Variants in MCCC2 observed in about 807,000 individuals in gnomAD.
MCCC2 encodes methylcrotonoyl-CoA carboxylase beta chain, mitochondrial.
MCCC2 carries 52 observed loss-of-function variants against 77.2 expected under a neutral mutation model. That is an observed-to-expected ratio of 0.67 (90% CI 0.54 to 0.85). The LOEUF is 0.85. Among genes scored for constraint, MCCC2 ranks in the 40% least tolerant of loss-of-function variants. MCCC2 has a pLI of 0.00. For missense variants in MCCC2, 682 were observed against 703.2 expected (o/e 0.97, Z 0.34); for synonymous variants, 253 against 248.4 (o/e 1.02, Z -0.18).
chr5:71,645,036 A>G (rs1747240959), intron 12 of MCCC2, among the ~76,000 whole-genome samples: 1 of 152,160 alleles, frequency 6.6e-6, no homozygotes, highest in South Asian at 2.1e-4. Context: ...TAGTATATAG[A>G]CAGTATTTCT....
intron 6 of MCCC2, among the ~76,000 whole-genome samples, chr5:71,614,582 C>G (rs1405051826): frequency 6.6e-6 from 1 of 151,564 alleles, no homozygotes; most frequent in East Asian, 2.0e-4. Flanking sequence ...CTTCCAGGCT[C>G]AAGGGATTCT....
chr5:71,633,913 A>G (rs955720237), intron 8 of MCCC2, among the ~76,000 whole-genome samples: 2 of 152,184 alleles, frequency 1.3e-5, no homozygotes, highest in Non-Finnish European at 2.9e-5. Context: ...AAGAAACTGA[A>G]AAAGATCTAC....
chr5:71,643,658 C>T, intron 11 of MCCC2, 161 bp from the exon 12 acceptor site: 2 of 1,406,696 alleles, frequency 1.4e-6, no homozygotes, highest in East Asian at 2.4e-5. Context: ...ACCTTAGGAA[C>T]AAGAAGATTG....
At position 71,656,912 on chromosome 5, in the gene MCCC2, A is replaced by G; in HGVS notation, c.*52A>G. 1 of 1,386,244 alleles carries G rather than the reference A, an allele frequency of 7.2e-7. No homozygotes were observed. The highest frequency in any genetic ancestry group is 1.4e-5 in the African/African-American group (1 of 70,592). 85.9% of individuals were successfully genotyped at this position (1,386,244 alleles called of 1,614,324 possible). A position where few individuals can be genotyped will look rare whatever the true frequency, so the allele number is the denominator to read the frequency against. On this transcript the variant is annotated 3_prime_UTR_variant, in exon 17 of 17. Coordinates refer to ENST00000340941, the MANE Select transcript of MCCC2 (RefSeq NM_022132.5). ...ACATGTACTGAAAATTAACACATGT[A>G]GTAGCCTTAAAATTTTAGACTTCTC...
intron 6 of MCCC2, among the ~76,000 whole-genome samples, chr5:71,623,863 C>T (rs1211808579): frequency 6.6e-6 from 1 of 152,118 alleles, no homozygotes; most frequent in Non-Finnish European, 1.5e-5. Context: ...GGTAAAATTC[C>T]CGGAAGTAGA....
At chr5:71,619,186 G>A (rs1189330831) in intron 6 of MCCC2, among the ~76,000 whole-genome samples, 2 of 151,956 alleles carry the variant, frequency 1.3e-5, no homozygotes, top group African/African-American at 4.8e-5. Flanking sequence ...TATCTTGTTG[G>A]TTTTCACTGT....
At chr5:71,595,825 G>A (rs544258697) in intron 2 of MCCC2, among the ~76,000 whole-genome samples, 38 of 152,232 alleles carry the variant, frequency 2.5e-4, no homozygotes, top group African/African-American at 8.2e-4. Flanking sequence ...AAAAAGTTAC[G>A]GATCACTAAT....
In MCCC2 at chr5:71,646,654, C is replaced by T. The variant is rs942505414; in HGVS notation, c.1216+377C>T. ...GTGCTGATACTACAGACATGAGCCA[C>T]GAGCCACCACACCTTGCTGATTATC... is the stretch of plus-strand genomic sequence containing the variant. On this transcript the variant is annotated intron_variant, in intron 13 of 16. Coordinates refer to ENST00000340941, the MANE Select transcript of MCCC2 (RefSeq NM_022132.5). Among the ~76,000 whole-genome samples the T allele has an allele frequency of 4.6e-5, 7 of 152,274 alleles. 1 individual carries two copies. The highest frequency in any genetic ancestry group is 2.6e-4 in the Admixed American group (4 of 15,288).
In MCCC2 at chr5:71,649,080, T is replaced by C. The variant is rs748230700; in HGVS notation, c.1217-17T>C. On this transcript the variant is annotated splice_polypyrimidine_tract_variant and intron_variant, in intron 13 of 16. Transcript: ENST00000340941. ...AATCCCATCACCCAGAGGCTCTCTT[T>C]CTGATCTTTCTCTCAGGATTTATGG... 4 of 1,614,160 alleles carry C rather than the reference T, an allele frequency of 2.5e-6. No individual in the cohort carries two copies. Among genetic ancestry groups the C allele is most frequent in the Admixed American group, 1.7e-5 (1 of 60,030 alleles).
At chr5:71,622,508 A>G (rs898134948) in intron 6 of MCCC2, among the ~76,000 whole-genome samples, 1 of 152,292 alleles carries the variant, frequency 6.6e-6, no homozygotes, top group East Asian at 1.9e-4. Flanking sequence ...CTTTTAGGAT[A>G]TTCACAGAGT....
chr5:71,627,336 T>C (rs277998), intron 7 of MCCC2, among the ~76,000 whole-genome samples: 51,960 of 152,188 alleles, frequency 0.34, 9,994 homozygotes, highest in East Asian at 0.54. Context: ...TTCCTGCTTT[T>C]ATTTTTTTGG....
chr5:71,589,585 T>C (rs459787), intron 1 of MCCC2, among the ~76,000 whole-genome samples: 64,663 of 152,126 alleles, frequency 0.43, 14,060 homozygotes, highest in South Asian at 0.47. Flanking sequence ...AATTAATGTG[T>C]GCTCACATTA....
chr5:71,597,873 G>A (rs1484916362), intron 3 of MCCC2, among the ~76,000 whole-genome samples: 1 of 152,172 alleles, frequency 6.6e-6, no homozygotes, highest in African/African-American at 2.4e-5. Context: ...GTAAGTAAGT[G>A]AGAGGCGGAC....
intron 3 of MCCC2, among the ~76,000 whole-genome samples, chr5:71,597,368 G>A (rs1010420366): frequency 4.6e-5 from 7 of 152,204 alleles, no homozygotes; most frequent in African/African-American, 1.7e-4. Context: ...GGGAGCTATT[G>A]TAGGGTTTTG....
At chr5:71,615,608 A>C (rs189000313) in intron 6 of MCCC2, among the ~76,000 whole-genome samples, 10 of 152,284 alleles carry the variant, frequency 6.6e-5, no homozygotes, top group African/African-American at 2.4e-4. Flanking sequence ...AAATAATAAG[A>C]AATATACACA....
intron 1 of MCCC2, among the ~76,000 whole-genome samples, chr5:71,588,149 A>C (rs148230720): frequency 9.6e-4 from 146 of 152,050 alleles, no homozygotes; most frequent in African/African-American, 3.4e-3. Context: ...CGCGCCTGTA[A>C]TCCCAGCTAC....
At chr5:71,630,240 G>T (rs981338408) in intron 7 of MCCC2, among the ~76,000 whole-genome samples, 1 of 152,174 alleles carries the variant, frequency 6.6e-6, no homozygotes, top group African/African-American at 2.4e-5. Context: ...GGGTTTGCAC[G>T]TAGTGTGGGG....
chr5:71,619,476 C>A (rs1746290362), intron 6 of MCCC2, among the ~76,000 whole-genome samples: 1 of 151,928 alleles, frequency 6.6e-6, no homozygotes. Flanking sequence ...AGGCTGGTCT[C>A]ATACTTCTGG....
At chr5:71,601,290 A>T (rs543996884) in intron 4 of MCCC2, among the ~76,000 whole-genome samples, 2 of 152,206 alleles carry the variant, frequency 1.3e-5, no homozygotes, top group African/African-American at 4.8e-5. Flanking sequence ...ACTTTGTCTG[A>T]CTTCACAGCC....
Sources: allele counts gnomAD v4.1 joint callset (sites outside exome capture counted in the v4.1 genomes callset), GRCh38; gene constraint gnomAD v4.1.1; transcripts MANE v1.5; gene names NCBI Gene and HGNC (gene_info 2026-07-23, HGNC 2026-07-21).